Variants in PRKDC observed in about 807,000 individuals in gnomAD.
The protein encoded by PRKDC is DNA-dependent protein kinase catalytic subunit.
In PRKDC, 82 loss-of-function variants were observed where a neutral mutation model predicts 486.9. That is an observed-to-expected ratio of 0.17 (90% CI 0.14 to 0.20). PRKDC has a LOEUF of 0.20. PRKDC is among the 10% of genes least tolerant of loss of function. PRKDC has a pLI of 1.00. For synonymous variants in PRKDC, 1,895 were observed against 1,837.0 expected (o/e 1.03, Z -0.81); for missense variants, 4,504 against 5,038.2 (o/e 0.89, Z 3.21).
At chr8:47,856,588 G>T (rs191385875) in intron 49 of PRKDC, among the ~76,000 whole-genome samples, 8 of 152,218 alleles carry the variant, frequency 5.3e-5, no homozygotes, top group Admixed American at 5.2e-4. Flanking sequence ...ACATGAAAAC[G>T]TTTGTATGCT....
chr8:47,855,460 C>A (rs1052740233), intron 49 of PRKDC, 87 bp from the exon 50 acceptor site: 68 of 1,379,500 alleles, frequency 4.9e-5, no homozygotes, highest in Admixed American at 1.1e-4. Flanking sequence ...TAAAAGAAAT[C>A]TGGCATTTTA....
chr8:47,781,400 C>G (rs2154497475), intron 80 of PRKDC, among the ~76,000 whole-genome samples: 1 of 152,300 alleles, frequency 6.6e-6, no homozygotes, highest in African/African-American at 2.4e-5. Flanking sequence ...TCTTTCCTGA[C>G]TGAAGGGAAC....
chr8:47,945,762 C>G (rs1184275238), intron 7 of PRKDC, among the ~76,000 whole-genome samples: 1 of 152,136 alleles, frequency 6.6e-6, no homozygotes, highest in East Asian at 1.9e-4. Flanking sequence ...CACTCTATCA[C>G]CCAGGCTGGA....
chr8:47,867,457 G>A (rs1005952556), intron 40 of PRKDC, among the ~76,000 whole-genome samples: 2 of 152,124 alleles, frequency 1.3e-5, no homozygotes, highest in Non-Finnish European at 2.9e-5. Context: ...AATGATTTTG[G>A]AACACAAAAT....
chr8:47,839,026 C>T (rs1175546755), intron 56 of PRKDC, 122 bp downstream of exon 56: 8 of 711,882 alleles, frequency 1.1e-5, no homozygotes. Flanking sequence ...TTGTGAAATG[C>T]AGAAAGCAGA....
chr8:47,826,951 G>A, intron 62 of PRKDC, 90 bp from the exon 63 acceptor site: 4 of 1,283,032 alleles, frequency 3.1e-6, no homozygotes, highest in Non-Finnish European at 4.2e-6. Flanking sequence ...AAACATAAAA[G>A]GTACCCATGT....
intron 38 of PRKDC, among the ~76,000 whole-genome samples, chr8:47,880,461 A>G (rs558979142): frequency 4.6e-5 from 7 of 152,312 alleles, no homozygotes; most frequent in African/African-American, 1.4e-4. Flanking sequence ...AACTTGATTA[A>G]TCACACAGCA....
intron 13 of PRKDC, 76 bp downstream of exon 13, chr8:47,935,655 CA>C: frequency 7.0e-7 from 1 of 1,422,750 alleles, no homozygotes; most frequent in Non-Finnish European, 9.4e-7. Flanking sequence ...ATTTGGTAAC[CA>C]GATTCTCTTT....
chr8:47,872,030 G>C (rs911653320), intron 40 of PRKDC, among the ~76,000 whole-genome samples: 8 of 152,276 alleles, frequency 5.3e-5, no homozygotes, highest in African/African-American at 1.4e-4. Flanking sequence ...CTTATATTTT[G>C]AGTAGAAAGA....
chr8:47,849,703 C>T (rs2088358889), intron 52 of PRKDC, among the ~76,000 whole-genome samples, 200 bp from the exon 53 acceptor site: 2 of 152,176 alleles, frequency 1.3e-5, no homozygotes, highest in African/African-American at 4.8e-5. Context: ...GCTCTGGATC[C>T]TTGAGTTCCT....
At chr8:47,915,299 A>C in intron 23 of PRKDC, 29 bp downstream of exon 23, 3 of 1,292,618 alleles carry the variant, frequency 2.3e-6, no homozygotes, top group Non-Finnish European at 3.3e-6. Context: ...ATATATCTAC[A>C]GAGGTTATTT....
At chr8:47,898,142 C>A (rs1478542603) in intron 29 of PRKDC, among the ~76,000 whole-genome samples, 1 of 152,196 alleles carries the variant, frequency 6.6e-6, no homozygotes, top group Non-Finnish European at 1.5e-5. Flanking sequence ...AATAATGGTT[C>A]ATGCATATTC....
Position 47,930,743 on chromosome 8 carries a change from A to G in PRKDC, c.1821T>C (p.Asp607=). The change falls in exon 17 of 86, where the codon GAT becomes GAC. Residue 607 remains aspartate, a synonymous_variant. Coordinates refer to ENST00000314191, the MANE Select transcript of PRKDC (RefSeq NM_006904.7). ...APGVWMIPTS[D]PAANLHPAKP... ...TAGCTGGATGCAAGTTAGCCGCTGG[A>G]TCTGAAGTTGGGATCATCCAAACAC... 6.3e-7 allele frequency: 1 copy of G among 1,591,428 alleles called. No homozygotes were observed. The highest frequency in any genetic ancestry group is 8.6e-7 in the Non-Finnish European group (1 of 1,168,578).
At chr8:47,952,613 T>G (rs781748873) in intron 7 of PRKDC, among the ~76,000 whole-genome samples, 1 of 152,010 alleles carries the variant, frequency 6.6e-6, no homozygotes, top group Non-Finnish European at 1.5e-5. Context: ...CCCAGCACTT[T>G]GGGAGATCAA....
rs781150369 is a variant in PRKDC at position 47,800,812 on chromosome 8, C to T, written c.10097G>A (p.Ser3366Asn). ...ARRILELSGS[S>N]SEDSEKVIAG... ...TATTACCTTCTCTGAATCCTCTGAA[C>T]TGGATCCAGAAAGCTCTAAGATTCT... The change falls in exon 71 of 86, where the codon AGT becomes AAT. Residue 3366 changes from serine (S) to asparagine (N), a missense_variant. Ser to Asn is a conservative substitution (Grantham distance 46). This residue lies in a region of PRKDC where 1,592 missense variants were observed against 1,724.6 expected (regional missense o/e 0.92). Coordinates refer to ENST00000314191, the MANE Select transcript of PRKDC (RefSeq NM_006904.7). 2 of 1,610,560 alleles carry T rather than the reference C, an allele frequency of 1.2e-6. No individual in the cohort carries two copies. Among genetic ancestry groups the T allele is most frequent in the East Asian group, 4.5e-5 (2 of 44,876 alleles).
At chr8:47,803,968 G>T (rs2087163540) in intron 69 of PRKDC, among the ~76,000 whole-genome samples, 1 of 151,748 alleles carries the variant, frequency 6.6e-6, no homozygotes, top group Admixed American at 6.6e-5. Flanking sequence ...GTGTGGCAGG[G>T]TGGGTACAAT....
chr8:47,863,521 A>G lies in PRKDC; in HGVS notation c.5628T>C (p.Ile1876=), dbSNP rs1321681440. The G allele has an allele frequency of 6.2e-7, 1 of 1,613,006 alleles. No individual in the cohort carries two copies. The highest frequency in any genetic ancestry group is 8.5e-7 in the Non-Finnish European group (1 of 1,179,340). ...GAAGGCGAGAATACATCACGTCTAGAATCTTATAGTAGCCCATCTTCTTGG... is the reference window on the plus strand; with the variant it reads ...GAAGGCGAGAATACATCACGTCTAGGATCTTATAGTAGCCCATCTTCTTGG... ...QITKKMGYYK[I]LDVMYSRLPK... The change falls in exon 42 of 86, where the codon ATT becomes ATC. Residue 1876 remains isoleucine, a synonymous_variant. Transcript: ENST00000314191.
In PRKDC at chr8:47,857,315, A is replaced by G; in HGVS notation, c.6466-16T>C. ...GGCGAAAGACCTACAAGAGGATGTAAAAGTCAAACATCAAAGAATGGTCTT... is the reference window on the plus strand; with the variant it reads ...GGCGAAAGACCTACAAGAGGATGTAGAAGTCAAACATCAAAGAATGGTCTT... On this transcript the variant is annotated splice_polypyrimidine_tract_variant and intron_variant, in intron 48 of 85. Coordinates refer to ENST00000314191, the MANE Select transcript of PRKDC (RefSeq NM_006904.7). 1 of 1,595,536 alleles carries G rather than the reference A, an allele frequency of 6.3e-7. No homozygotes were observed. Among genetic ancestry groups the G allele is most frequent in the East Asian group, 2.2e-5 (1 of 44,686 alleles).
At position 47,889,194 on chromosome 8, in the gene PRKDC, T is replaced by C; in HGVS notation, c.4100A>G (p.His1367Arg). ...CGTCTGCACCAGGACTCTCATCAGG[T>C]GTGTATTACACAAGTCCTTCTTCAG... ...KLLKKDLCNT[H>R]LMRVLVQTLC... The change falls in exon 33 of 86, where the codon CAC (histidine) becomes CGC (arginine). Residue 1367 changes from histidine to arginine, a missense_variant. His to Arg is a conservative substitution (Grantham distance 29). This residue lies in a region of PRKDC where 1,969 missense variants were observed against 2,068.9 expected (regional missense o/e 0.95). Transcript: ENST00000314191. The C allele has an allele frequency of 6.2e-7, 1 of 1,613,352 alleles. No homozygotes were observed. The highest frequency in any genetic ancestry group is 8.5e-7 in the Non-Finnish European group (1 of 1,179,702).
Sources: gnomAD v4.1 joint callset for allele counts (sites outside exome capture counted in the v4.1 genomes callset) on GRCh38, gnomAD v4.1.1 for gene constraint, gnomAD v4.1.1 regional missense constraint, MANE v1.5 for transcripts, NCBI Gene and HGNC (gene_info 2026-07-23, HGNC 2026-07-21) for gene names.